TRPC4: variants seen among roughly 807,000 people sequenced by gnomAD.
TRPC4 encodes the protein short transient receptor potential channel 4.
TRPC4 carries 49 observed loss-of-function variants against 99.4 expected under a neutral mutation model. The observed-to-expected ratio is 0.49, with a 90% CI of 0.39 to 0.63. The LOEUF is 0.63. Among genes scored for constraint, TRPC4 ranks in the 20% least tolerant of loss-of-function variants. The pLI is 0.00. For missense variants in TRPC4, 898 were observed against 1,152.9 expected (o/e 0.78, Z 3.20); for synonymous variants, 454 against 425.9 (o/e 1.07, Z -0.81).
intron 1 of TRPC4, among the ~76,000 whole-genome samples, chr13:37,855,440 T>C (rs1443462925): frequency 6.6e-6 from 1 of 151,180 alleles, no homozygotes; most frequent in African/African-American, 2.4e-5. Context: ...CAGCTGGAGA[T>C]TTCAACATCC....
chr13:37,835,785 C>T (rs1335320620), intron 1 of TRPC4, among the ~76,000 whole-genome samples: 3 of 152,164 alleles, frequency 2.0e-5, no homozygotes, highest in Non-Finnish European at 4.4e-5. Context: ...CTCGTATGCA[C>T]AATTCCCAAT....
At chr13:37,825,494 A>G (rs1958175310) in intron 1 of TRPC4, among the ~76,000 whole-genome samples, 1 of 152,052 alleles carries the variant, frequency 6.6e-6, no homozygotes, top group African/African-American at 2.4e-5. Context: ...ATTGGTTTCA[A>G]AGAACATCTT....
Position 37,746,566 on chromosome 13 carries a change from G to T in TRPC4, c.379-111C>A, listed in dbSNP as rs1330054639. On this transcript the variant is annotated intron_variant, in intron 2 of 10. Transcript: ENST00000379705. ...AACAGGGTTTATATGTCCTTGGCCG[G>T]GTTTTTTTTTTTTTGTAGGAGAGAT... The T allele has an allele frequency of 5.1e-5, 41 of 807,746 alleles. 1 individual carries two copies. The highest frequency in any genetic ancestry group is 3.4e-4 in the African/African-American group (16 of 46,902). The allele number at this position is 807,746 out of a possible 1,614,324, so 50.0% of individuals were successfully genotyped here. A position where few individuals can be genotyped will look rare whatever the true frequency, so the allele number is the denominator to read the frequency against.
intron 1 of TRPC4, among the ~76,000 whole-genome samples, chr13:37,856,703 C>T: frequency 6.6e-6 from 1 of 151,628 alleles, no homozygotes; most frequent in African/African-American, 2.4e-5. Context: ...TGGATTTATC[C>T]CTGCAATGCA....
chr13:37,703,303 G>C (rs931174388), intron 3 of TRPC4, among the ~76,000 whole-genome samples: 1 of 151,978 alleles, frequency 6.6e-6, no homozygotes, highest in African/African-American at 2.4e-5. Context: ...CCATAACACT[G>C]TTTACCCATC....
rs1951420796 is a variant in TRPC4, at chr13:37,632,651, G to A, written c.*4252C>T. On this transcript the variant is annotated 3_prime_UTR_variant, in exon 11 of 11. Coordinates refer to ENST00000379705, the MANE Select transcript of TRPC4 (RefSeq NM_016179.4). Reference sequence around the variant, plus strand: ...CCCAATCTTAGTTCAACTGTACATTGTCCATCTCTAATGTTTTTCAGTTGA... The same window carrying A: ...CCCAATCTTAGTTCAACTGTACATTATCCATCTCTAATGTTTTTCAGTTGA... Among the ~76,000 whole-genome samples the A allele has an allele frequency of 6.6e-6, 1 of 152,108 alleles. No homozygotes were observed. The highest frequency in any genetic ancestry group is 2.1e-4 in the South Asian group (1 of 4,834).
intron 5 of TRPC4, among the ~76,000 whole-genome samples, chr13:37,672,699 G>C (rs1029982057): frequency 1.3e-5 from 2 of 152,184 alleles, no homozygotes; most frequent in Admixed American, 1.3e-4. Flanking sequence ...TGGAGAGCTA[G>C]GCGCTTAATC....
At chr13:37,866,568 A>AT (rs1959760601) in intron 1 of TRPC4, among the ~76,000 whole-genome samples, 1 of 151,872 alleles carries the variant, frequency 6.6e-6, no homozygotes, top group Non-Finnish European at 1.5e-5. Flanking sequence ...CCCTAAATGC[A>AT]TTTTTTGCAT....
intron 8 of TRPC4, among the ~76,000 whole-genome samples, chr13:37,645,655 C>A (rs1951843879): frequency 6.6e-6 from 1 of 152,120 alleles, no homozygotes; most frequent in African/African-American, 2.4e-5. Flanking sequence ...GATCCCTTTA[C>A]AAAAAAATTG....
intron 3 of TRPC4, among the ~76,000 whole-genome samples, chr13:37,699,595 C>T (rs1279799248): frequency 6.6e-6 from 1 of 152,162 alleles, no homozygotes; most frequent in Admixed American, 6.5e-5. Flanking sequence ...TGATAAACTA[C>T]AGATTCTATT....
At position 37,692,351 on chromosome 13, in the gene TRPC4, A is replaced by G. The variant is rs1249804526; in HGVS notation, c.898-16T>C. On this transcript the variant is annotated splice_polypyrimidine_tract_variant and intron_variant, in intron 3 of 10. Coordinates refer to ENST00000379705, the MANE Select transcript of TRPC4 (RefSeq NM_016179.4). ...GGGCAACAAACTAAACAGAAGGGAA[A>G]GGAAAAGGAAAAATAAGTCACAGTT... 1.9e-6 allele frequency: 3 copies of G among 1,597,636 alleles called. No individual in the cohort carries two copies. Among genetic ancestry groups the G allele is most frequent in the South Asian group, 2.2e-5 (2 of 89,332 alleles).
At chr13:37,780,073 G>A (rs1264728813) in intron 2 of TRPC4, among the ~76,000 whole-genome samples, 1 of 152,012 alleles carries the variant, frequency 6.6e-6, no homozygotes, top group African/African-American at 2.4e-5. Flanking sequence ...CTCCTCCTCA[G>A]GGCCCAGGAC....
chr13:37,715,758 T>C (rs906119658), intron 3 of TRPC4, among the ~76,000 whole-genome samples: 5 of 152,206 alleles, frequency 3.3e-5, no homozygotes, highest in African/African-American at 1.2e-4. Flanking sequence ...TAGGCTGTTT[T>C]GTCAGATAAG....
chr13:37,648,219 G>T (rs1343759808), intron 8 of TRPC4, among the ~76,000 whole-genome samples: 1 of 152,180 alleles, frequency 6.6e-6, no homozygotes, highest in Non-Finnish European at 1.5e-5. Context: ...GGGATTACAG[G>T]TGTGAGCCGC....
intron 8 of TRPC4, among the ~76,000 whole-genome samples, chr13:37,639,744 C>CATATATATATATATATATATATAT (rs59528300): frequency 1.1e-3 from 164 of 146,768 alleles, no homozygotes; most frequent in African/African-American, 4.0e-3. Context: ...ACTCTCCAAT[C>CATATATATATATATATATATATAT]ATATATATAT....
chr13:37,719,488 A>C (rs376323262), intron 3 of TRPC4, among the ~76,000 whole-genome samples: 27 of 152,160 alleles, frequency 1.8e-4, no homozygotes, highest in African/African-American at 1.2e-4. Context: ...TGGAAAAAAA[A>C]CTCAAATCAG....
chr13:37,726,763 G>A (rs1432801282), intron 3 of TRPC4, among the ~76,000 whole-genome samples: 1 of 151,902 alleles, frequency 6.6e-6, no homozygotes, highest in Non-Finnish European at 1.5e-5. Context: ...AATAAAAAAG[G>A]CAATGACATG....
intron 6 of TRPC4, among the ~76,000 whole-genome samples, chr13:37,661,751 C>T (rs1732485428): frequency 6.6e-6 from 1 of 151,540 alleles, no homozygotes; most frequent in African/African-American, 2.4e-5. Context: ...CATTGTAAAT[C>T]TCTAATCCGT....
chr13:37,783,350 T>C lies in TRPC4; in HGVS notation c.-17A>G. Reference sequence around the variant, plus strand: ...CTGAGCCATGTTTCATGCCATGCTATTTCTTCGTCTCTGAAAGTAGAAACA... The same window carrying C: ...CTGAGCCATGTTTCATGCCATGCTACTTCTTCGTCTCTGAAAGTAGAAACA... On this transcript the variant is annotated 5_prime_UTR_variant, in exon 2 of 11. Transcript: ENST00000379705. The C allele has an allele frequency of 6.6e-7, 1 of 1,523,106 alleles. No homozygotes were observed. Among genetic ancestry groups the C allele is most frequent in the Non-Finnish European group, 8.8e-7 (1 of 1,136,474 alleles). The allele number at this position is 1,523,106 out of a possible 1,614,324, so 94.3% of individuals were successfully genotyped here. A position where few individuals can be genotyped will look rare whatever the true frequency, so the allele number is the denominator to read the frequency against.
Sources: gnomAD v4.1 joint callset for allele counts (sites outside exome capture counted in the v4.1 genomes callset) on GRCh38, gnomAD v4.1.1 for gene constraint, MANE v1.5 for transcripts, NCBI Gene and HGNC (gene_info 2026-07-23, HGNC 2026-07-21) for gene names.